STAG2: variants seen among roughly 807,000 people sequenced by gnomAD.
STAG2 encodes STAG2 cohesin complex component, also known as cohesin subunit SA-2.
In STAG2, 14 loss-of-function variants were observed where a neutral mutation model predicts 108.1. The ratio of observed to expected loss-of-function variants is 0.13; its 90% CI spans 0.09 to 0.20. STAG2 has a LOEUF of 0.20. Among genes scored for constraint, STAG2 ranks in the 10% least tolerant of loss-of-function variants. The probability of loss-of-function intolerance (pLI) is 1.00; values close to 1 mark genes in which losing one functional copy is unlikely to be tolerated. For synonymous variants in STAG2, 307 were observed against 302.7 expected (o/e 1.01, Z -0.15); for missense variants, 440 against 940.9 (o/e 0.47, Z 6.96).
Position 124,028,638 on chromosome X carries a change from C to T in STAG2, c.124-2323C>T, listed in dbSNP as rs935905328. Among the ~76,000 whole-genome samples the T allele has an allele frequency of 1.7e-4, 18 of 108,278 alleles. No individual in the cohort carries two copies. In the Admixed American group the frequency reaches 1.8e-3, roughly 11 times the overall value. The allele number at this position is 108,278 out of a possible 115,157, so 94.0% of individuals were successfully genotyped here. A position where few individuals can be genotyped will look rare whatever the true frequency, so the allele number is the denominator to read the frequency against. On this transcript the variant is annotated intron_variant, in intron 4 of 34. Transcript: ENST00000371145. ...TTAAAGTAACTGTTAAGAGTTGAGTCGTTTTGGACTCTTGGAGGAAGAAGG... is the reference window on the plus strand; with the variant it reads ...TTAAAGTAACTGTTAAGAGTTGAGTTGTTTTGGACTCTTGGAGGAAGAAGG...
intron 2 of STAG2, among the ~76,000 whole-genome samples, chrX:124,021,951 TAATA>T (rs1387677341): frequency 9.0e-6 from 1 of 111,542 alleles, no homozygotes; most frequent in Non-Finnish European, 1.9e-5. Context: ...TAGGATGTAT[TAATA>T]TATATATAAA....
intron 29 of STAG2, among the ~76,000 whole-genome samples, chrX:124,084,463 C>T (rs758152758): frequency 3.6e-5 from 4 of 110,284 alleles, no homozygotes; most frequent in African/African-American, 9.9e-5. Context: ...GGATTACAGG[C>T]GTGCACCACC....
At chrX:123,968,538 T>C (rs1242262021) in intron 1 of STAG2, among the ~76,000 whole-genome samples, 1 of 110,948 alleles carries the variant, frequency 9.0e-6, no homozygotes, top group Non-Finnish European at 1.9e-5. Context: ...GTGCAGCCTG[T>C]GGCCCCAGTT....
intron 8 of STAG2, among the ~76,000 whole-genome samples, chrX:124,045,640 A>T (rs1183578628): frequency 9.0e-6 from 1 of 111,024 alleles, no homozygotes; most frequent in Non-Finnish European, 1.9e-5. Flanking sequence ...GACAATAGGT[A>T]TGTGTTGGGT....
At position 124,030,932 on chromosome X, in the gene STAG2, A is replaced by C. The variant is rs780565309; in HGVS notation, c.124-29A>C. Reference sequence around the variant, plus strand: ...TTTGAACTCTCAAGGATAGTGATATAACTTAACCACCTCGTATTTTTTATG... The same window carrying C: ...TTTGAACTCTCAAGGATAGTGATATCACTTAACCACCTCGTATTTTTTATG... On this transcript the variant is annotated intron_variant, in intron 4 of 34. Transcript: ENST00000371145. 4.3e-6 allele frequency: 5 copies of C among 1,174,038 alleles called. No individual in the cohort carries two copies. In the African/African-American group the frequency reaches 9.0e-5, roughly 21 times the overall value.
intron 1 of STAG2, among the ~76,000 whole-genome samples, chrX:124,017,584 G>T (rs950771241): frequency 1.8e-5 from 2 of 111,683 alleles, no homozygotes; most frequent in African/African-American, 6.5e-5. Flanking sequence ...CAAGATATTA[G>T]GATGTTTTGT....
intron 22 of STAG2, 38 bp downstream of exon 22, chrX:124,066,300 A>C (rs771917525): frequency 2.5e-6 from 3 of 1,187,666 alleles, no homozygotes; most frequent in Non-Finnish European, 2.3e-6. Flanking sequence ...TTATCTTTGA[A>C]AAGTGAAGTC....
At chrX:124,065,755 A>G (rs2058507392) in intron 20 of STAG2, 121 bp from the exon 21 acceptor site, 4 of 450,407 alleles carry the variant, frequency 8.9e-6, no homozygotes, top group Non-Finnish European at 1.4e-5. Flanking sequence ...TAGGTATTGA[A>G]TGACAAAGTT....
chrX:124,080,256 G>T (rs1269258611), intron 27 of STAG2, among the ~76,000 whole-genome samples: 5 of 110,655 alleles, frequency 4.5e-5, no homozygotes, highest in Non-Finnish European at 9.4e-5. Context: ...TGTTCCCTTT[G>T]ACCAAAGTCT....
chrX:124,062,017 T>A (rs1449699919), intron 17 of STAG2, 143 bp downstream of exon 17: 28 of 477,547 alleles, frequency 5.9e-5, no homozygotes, highest in Non-Finnish European at 8.9e-5. Flanking sequence ...GAGGTAAATT[T>A]TAAAGCATTA....
At chrX:124,009,602 C>T (rs2056453993) in intron 1 of STAG2, among the ~76,000 whole-genome samples, 1 of 110,983 alleles carries the variant, frequency 9.0e-6, no homozygotes, top group Admixed American at 9.7e-5. Flanking sequence ...GTATGCTAAC[C>T]GTTGGATGCA....
At chrX:124,014,876 T>C (rs12837381) in intron 1 of STAG2, among the ~76,000 whole-genome samples, 3,694 of 110,045 alleles carry the variant, frequency 0.034, 61 homozygotes, top group Non-Finnish European at 0.048. Context: ...GCGAATGATA[T>C]ATGTGGTAGC....
chrX:124,078,565 A>G (rs1431087259), intron 27 of STAG2, among the ~76,000 whole-genome samples: 2 of 111,578 alleles, frequency 1.8e-5, no homozygotes, highest in Admixed American at 1.9e-4. Context: ...ATCACAAAAT[A>G]TATTAACAGT....
chrX:124,071,429 C>T, intron 25 of STAG2, 106 bp downstream of exon 25: 2 of 628,046 alleles, frequency 3.2e-6, no homozygotes, highest in East Asian at 3.8e-5. Context: ...TCCTTAAAAA[C>T]GTGAAACACA....
At chrX:123,979,346 G>T (rs1440199264) in intron 1 of STAG2, among the ~76,000 whole-genome samples, 5 of 111,360 alleles carry the variant, frequency 4.5e-5, no homozygotes, top group African/African-American at 1.6e-4. Flanking sequence ...AGAATGTTAA[G>T]TGAGAGGAAG....
chrX:124,027,376 A>G (rs2057142683), intron 4 of STAG2, among the ~76,000 whole-genome samples: 1 of 112,483 alleles, frequency 8.9e-6, no homozygotes, highest in Admixed American at 9.4e-5. Flanking sequence ...CGAGAGAGGG[A>G]TATGAATAGA....
chrX:124,041,032 G>A (rs1307353058), intron 6 of STAG2, among the ~76,000 whole-genome samples: 8 of 106,792 alleles, frequency 7.5e-5, no homozygotes, highest in Non-Finnish European at 1.5e-4. Flanking sequence ...TGTATTTTTA[G>A]TAGTGACGGG....
At chrX:123,991,727 C>T (rs776756526) in intron 1 of STAG2, among the ~76,000 whole-genome samples, 3 of 93,196 alleles carry the variant, frequency 3.2e-5, no homozygotes, top group African/African-American at 1.2e-4. Flanking sequence ...TGCAATGGCG[C>T]GATCTCGGCT....
intron 1 of STAG2, among the ~76,000 whole-genome samples, chrX:124,006,348 T>G (rs1335998259): frequency 9.0e-6 from 1 of 111,655 alleles, no homozygotes; most frequent in Non-Finnish European, 1.9e-5. Flanking sequence ...TCTAAGCTCT[T>G]TGCCAGAGTG....
Sources: gnomAD v4.1 joint callset for allele counts (sites outside exome capture counted in the v4.1 genomes callset) on GRCh38, gnomAD v4.1.1 for gene constraint, MANE v1.5 for transcripts, NCBI Gene and HGNC (gene_info 2026-07-23, HGNC 2026-07-21) for gene names.